MAST2: variants seen among roughly 807,000 people sequenced by gnomAD.
MAST2 encodes microtubule associated serine/threonine kinase 2, also known as microtubule-associated serine/threonine-protein kinase 2.
MAST2 carries 70 observed loss-of-function variants against 147.4 expected under a neutral mutation model. The ratio of observed to expected loss-of-function variants is 0.47; its 90% CI spans 0.39 to 0.58. MAST2 has a LOEUF of 0.58. Among genes scored for constraint, MAST2 ranks in the 20% least tolerant of loss-of-function variants. MAST2 has a pLI of 0.00. For synonymous variants in MAST2, 869 were observed against 896.8 expected (o/e 0.97, Z 0.55); for missense variants, 2,080 against 2,302.3 (o/e 0.90, Z 1.98).
At position 45,997,809 on chromosome 1, in the gene MAST2, T is replaced by C; in HGVS notation, c.668+10T>C. 6.2e-7 allele frequency: 1 copy of C among 1,612,982 alleles called. No individual in the cohort carries two copies. The highest frequency in any genetic ancestry group is 2.2e-5 in the East Asian group (1 of 44,882). On this transcript the variant is annotated intron_variant, in intron 6 of 28. Coordinates refer to ENST00000361297, the MANE Select transcript of MAST2 (RefSeq NM_015112.3). ...TTGTTCCTGCCCGTAGGTAAGTTGA[T>C]AGGAAACCTCCTCTGGGACCAGCAC...
chr1:45,909,058 T>G (rs1651241896), intron 4 of MAST2, among the ~76,000 whole-genome samples: 1 of 152,350 alleles, frequency 6.6e-6, no homozygotes, highest in African/African-American at 2.4e-5. Flanking sequence ...ACTTTTTTTC[T>G]TTAGTTCTCA....
At chr1:45,994,869 C>T (rs1269309166) in intron 5 of MAST2, among the ~76,000 whole-genome samples, 3 of 149,616 alleles carry the variant, frequency 2.0e-5, no homozygotes, top group Admixed American at 6.6e-5. Flanking sequence ...GACAGAGTCT[C>T]GCTTTGTCAC....
Position 46,031,101 on chromosome 1 carries a change from G to T in MAST2, c.2803G>T (p.Asp935Tyr). Residue 935 changes from aspartate (D) to tyrosine (Y), a missense_variant, in exon 23 of 29, where the codon GAT becomes TAT. By Grantham distance (160) the Asp-to-Tyr change is radical (BLOSUM62 -3). Transcript: ENST00000361297. The surrounding 1 kb of genome is among the most constrained non-coding windows in gnomAD (Gnocchi z 4.1). ...GCGACGCCGCTGCTCAGGCCTCCTGGATGCGCCTCGGTTCCCGGAGGGCCC... is the reference window on the plus strand; with the variant it reads ...GCGACGCCGCTGCTCAGGCCTCCTGTATGCGCCTCGGTTCCCGGAGGGCCC... The part of the protein sequence containing the change: ...TVRRRCSGLL[D>Y]APRFPEGPEE... 3 of 1,612,676 alleles carry T rather than the reference G, an allele frequency of 1.9e-6. No homozygotes were observed. Among genetic ancestry groups the T allele is most frequent in the East Asian group, 2.2e-5 (1 of 44,824 alleles).
At chr1:46,027,990 C>A in intron 17 of MAST2, 127 bp downstream of exon 17, 1 of 1,091,656 alleles carries the variant, frequency 9.2e-7, no homozygotes, top group Non-Finnish European at 1.3e-6. Context: ...CCAGCCTGGG[C>A]AACATAGTGA....
chr1:45,831,946 A>G (rs1644970862), intron 3 of MAST2, among the ~76,000 whole-genome samples: 1 of 151,626 alleles, frequency 6.6e-6, no homozygotes, highest in Non-Finnish European at 1.5e-5. Context: ...CACCTGGCTA[A>G]TTTTTGTATT....
At chr1:46,008,254 T>A in intron 8 of MAST2, 42 bp from the exon 9 acceptor site, 1 of 1,432,588 alleles carries the variant, frequency 7.0e-7, no homozygotes, top group South Asian at 1.2e-5. Flanking sequence ...TCTTGATAGT[T>A]CCATAGCACT....
intron 4 of MAST2, among the ~76,000 whole-genome samples, chr1:45,935,492 T>G (rs1656057514): frequency 1.3e-5 from 2 of 152,102 alleles, no homozygotes; most frequent in South Asian, 4.2e-4. Context: ...AGTGGTATAT[T>G]TTAGGGTTTC....
chr1:45,910,812 T>G (rs1337276984), intron 4 of MAST2, among the ~76,000 whole-genome samples: 1 of 152,218 alleles, frequency 6.6e-6, no homozygotes, highest in Non-Finnish European at 1.5e-5. Context: ...TCAGGCAGAG[T>G]TCTCTGAAGT....
intron 3 of MAST2, chr1:45,847,541 T>C: frequency 1.2e-6 from 1 of 830,448 alleles, no homozygotes; most frequent in East Asian, 3.6e-5. Flanking sequence ...TTTGAGCTGC[T>C]TTTCTACTAT....
intron 4 of MAST2, among the ~76,000 whole-genome samples, chr1:45,922,799 G>A (rs2148655956): frequency 6.6e-6 from 1 of 152,282 alleles, no homozygotes; most frequent in African/African-American, 2.4e-5. Context: ...CACCGACTCT[G>A]TAGAGCATGC....
intron 3 of MAST2, among the ~76,000 whole-genome samples, chr1:45,870,237 A>G (rs2148157717): frequency 6.6e-6 from 1 of 152,104 alleles, no homozygotes; most frequent in Admixed American, 6.5e-5. Context: ...GATTCTTTGT[A>G]TACCTGTTTG....
At chr1:45,992,798 C>CT (rs1451476419) in intron 5 of MAST2, among the ~76,000 whole-genome samples, 2 of 152,094 alleles carry the variant, frequency 1.3e-5, no homozygotes, top group Non-Finnish European at 2.9e-5. Flanking sequence ...TTGTTTATGT[C>CT]TACCACCTCC....
chr1:45,960,338 G>A (rs951638150), intron 5 of MAST2, among the ~76,000 whole-genome samples: 3 of 152,006 alleles, frequency 2.0e-5, no homozygotes, highest in African/African-American at 4.8e-5. Flanking sequence ...GCAAAACCCC[G>A]TCTCTACAAA....
In MAST2 at chr1:46,035,615, C is replaced by T. The variant is rs200134442; in HGVS notation, c.4946C>T (p.Thr1649Ile). 20 of 1,613,834 alleles carry T rather than the reference C, an allele frequency of 1.2e-5. No homozygotes were observed. The highest frequency in any genetic ancestry group is 1.3e-5 in the African/African-American group (1 of 74,898). Residue 1649 changes from threonine (T) to isoleucine (I), a missense_variant, in exon 29 of 29, where the codon ACC (threonine) becomes ATC (isoleucine). Physicochemically the swap from Thr to Ile is moderately conservative, Grantham distance 89. Transcript: ENST00000361297. The surrounding 1 kb of genome is among the most constrained non-coding windows in gnomAD (Gnocchi z 5.5). ...AGCAGTTGCTCTCCTCCCAGCTCCA[C>T]CTCTGGGAAGCTGAGCATGTGGTCC... ...PTSSCSPPSS[T>I]SGKLSMWSWK...
rs114843564 is a variant in MAST2, at chr1:45,807,176, C to A, written c.177+3104C>A. ...ATTTGTCACTGTTGACTGTGTGTTC[C>A]TTGTTGACATTTTTTTCTTTTTTAA... On this transcript the variant is annotated intron_variant, in intron 1 of 28. Coordinates refer to ENST00000361297, the MANE Select transcript of MAST2 (RefSeq NM_015112.3). 6.6e-3 allele frequency among the ~76,000 whole-genome samples: 1,007 copies of A among 152,194 alleles called. 12 individuals are homozygous for A. The highest frequency in any genetic ancestry group is 0.023 in the African/African-American group (971 of 41,536).
At chr1:45,857,498 CTG>C (rs1375639195) in intron 3 of MAST2, among the ~76,000 whole-genome samples, 2 of 152,196 alleles carry the variant, frequency 1.3e-5, no homozygotes, top group African/African-American at 4.8e-5. Context: ...CTACCACAGA[CTG>C]TAAAGTTTCC....
intron 3 of MAST2, among the ~76,000 whole-genome samples, chr1:45,868,185 C>T (rs1253095268): frequency 6.6e-6 from 1 of 150,904 alleles, no homozygotes; most frequent in Non-Finnish European, 1.5e-5. Context: ...TGGCTTTCAT[C>T]TTACATCTAC....
At chr1:45,903,097 G>A (rs1364404410) in intron 4 of MAST2, among the ~76,000 whole-genome samples, 4 of 125,618 alleles carry the variant, frequency 3.2e-5, no homozygotes, top group African/African-American at 1.2e-4. Context: ...TCTTTTTGAT[G>A]TTAAGCATTT....
intron 3 of MAST2, among the ~76,000 whole-genome samples, chr1:45,867,064 T>C (rs1211814809): frequency 6.6e-6 from 1 of 152,170 alleles, no homozygotes; most frequent in Non-Finnish European, 1.5e-5. Context: ...TTGCCTATTT[T>C]TAAAAAATAA....
Sources: gnomAD v4.1 joint callset for allele counts (sites outside exome capture counted in the v4.1 genomes callset) on GRCh38, gnomAD v4.1.1 for gene constraint, Gnocchi (gnomAD v3.1) non-coding constraint, MANE v1.5 for transcripts, NCBI Gene and HGNC (gene_info 2026-07-23, HGNC 2026-07-21) for gene names.